Variants in TMX3 observed in about 807,000 individuals in gnomAD.
TMX3 encodes thioredoxin related transmembrane protein 3.
A neutral mutation model predicts 64.4 loss-of-function variants in TMX3; 40 were observed. The ratio of observed to expected loss-of-function variants is 0.62; its 90% CI spans 0.48 to 0.81. The LOEUF (loss-of-function observed/expected upper bound fraction) is 0.81, where lower values mean the gene tolerates loss of function less well. TMX3 is among the 30% of genes least tolerant of loss of function. TMX3 has a pLI of 0.00. For synonymous variants in TMX3, 189 were observed against 175.7 expected (o/e 1.08, Z -0.60); for missense variants, 497 against 534.5 (o/e 0.93, Z 0.69).
At chr18:68,693,080 A>C (rs909542904) in intron 8 of TMX3, among the ~76,000 whole-genome samples, 1 of 152,238 alleles carries the variant, frequency 6.6e-6, no homozygotes, top group Non-Finnish European at 1.5e-5. Flanking sequence ...AGAAGTTCAG[A>C]TTCTAGTCCA....
intron 8 of TMX3, chr18:68,696,902 ACG>A: frequency 1.2e-5 from 3 of 241,024 alleles, no homozygotes; most frequent in Non-Finnish European, 1.6e-5. Context: ...ACACACACAT[ACG>A]CACGCAAAAT....
Position 68,676,962 on chromosome 18 carries a change from T to C in TMX3, c.1336A>G (p.Lys446Glu). The C allele has an allele frequency of 6.2e-7, 1 of 1,613,634 alleles. No individual in the cohort carries two copies. Among genetic ancestry groups the C allele is most frequent in the Non-Finnish European group, 8.5e-7 (1 of 1,179,762 alleles). The change falls in exon 16 of 16, where the codon AAG becomes GAG. Residue 446 changes from lysine to glutamate, a missense_variant. By Grantham distance (56) the Lys-to-Glu change is moderately conservative. Around this residue, in one of 3 missense-constraint regions of TMX3, gnomAD observed 94 missense variants for 75.8 expected, o/e 1.24. Transcript: ENST00000299608. ...GSVVPTVQEP[K>E]DVLEKKKD The stretch of plus-strand genomic sequence containing the variant: ...TCTTTCTTCTTTTCTAATACATCCT[T>C]GGGCTCCTGCACTGTAGGCACTACA...
At chr18:68,685,923 T>C (rs1913907854) in intron 10 of TMX3, among the ~76,000 whole-genome samples, 1 of 152,228 alleles carries the variant, frequency 6.6e-6, no homozygotes, top group South Asian at 2.1e-4. Context: ...TGTAAAAACG[T>C]GCTTTGGTGC....
intron 2 of TMX3, among the ~76,000 whole-genome samples, chr18:68,713,003 TA>T (rs34191235): frequency 0.02 from 2,435 of 122,272 alleles, 23 homozygotes; most frequent in African/African-American, 0.034. Context: ...TCAAGAGGTT[TA>T]AAAAAAAAAA....
At chr18:68,714,555 C>T in intron 1 of TMX3, 1 of 304,612 alleles carries the variant, frequency 3.3e-6, no homozygotes, top group South Asian at 3.6e-5. Flanking sequence ...TGGTAAAAAT[C>T]CTTAAACGTG....
Position 68,715,010 on chromosome 18 carries a change from CTG to C in TMX3, c.-31_-30del, listed in dbSNP as rs545060751. The C allele has an allele frequency of 3.1e-4, 478 of 1,559,982 alleles. 4 individuals carry two copies. In the African/African-American group the frequency reaches 5.8e-3, roughly 19 times the overall value. On this transcript the variant is annotated 5_prime_UTR_variant, in exon 1 of 16. Coordinates refer to ENST00000299608, the MANE Select transcript of TMX3 (RefSeq NM_019022.5). Reference sequence around the variant, plus strand: ...AGCCCGGGAGAGCTGCAGAAGCTGACTGTGCAAAAGAGGGATAAAGACACTGG... The same window carrying C: ...AGCCCGGGAGAGCTGCAGAAGCTGACTGCAAAAGAGGGATAAAGACACTGG...
intron 4 of TMX3, among the ~76,000 whole-genome samples, chr18:68,702,834 G>C (rs2030250671): frequency 6.6e-6 from 1 of 152,108 alleles, no homozygotes; most frequent in Non-Finnish European, 1.5e-5. Context: ...AAGGGCAGTC[G>C]ATTTGTGAAA....
At chr18:68,711,138 A>G (rs1254241241) in intron 3 of TMX3, among the ~76,000 whole-genome samples, 1 of 152,128 alleles carries the variant, frequency 6.6e-6, no homozygotes, top group African/African-American at 2.4e-5. Context: ...TCCTCTTAAT[A>G]TTCTCACCCC....
rs1912996757 is a variant in TMX3 at position 68,677,081 on chromosome 18, A to G, written c.1217T>C (p.Ile406Thr). ...TTTAGACACTTCATATCGTTCTTCT[A>G]TATAACCTCCATCTGTGTCGGCTGT... ...IYTADTDGGY[I>T]EERYEVSKSE... Residue 406 changes from isoleucine to threonine, a missense_variant, in exon 16 of 16, where the codon ATA becomes ACA. Transcript: ENST00000299608. 6.2e-7 allele frequency: 1 copy of G among 1,613,686 alleles called. No individual in the cohort carries two copies. Among genetic ancestry groups the G allele is most frequent in the Admixed American group, 1.7e-5 (1 of 59,966 alleles).
chr18:68,692,982 G>A (rs1914668917), intron 8 of TMX3, among the ~76,000 whole-genome samples: 1 of 152,164 alleles, frequency 6.6e-6, no homozygotes, highest in Non-Finnish European at 1.5e-5. Context: ...CCAACTGCTT[G>A]CAAAGCTTTG....
chr18:68,687,222 T>A, intron 10 of TMX3: 4 of 985,454 alleles, frequency 4.1e-6, no homozygotes, highest in Non-Finnish European at 4.8e-6. Context: ...TTTGTATTCG[T>A]GTTTGTGTTT....
chr18:68,697,602 A>G, intron 7 of TMX3: 1 of 342,548 alleles, frequency 2.9e-6, no homozygotes, highest in Non-Finnish European at 5.2e-6. Context: ...GATTATAGGA[A>G]GATATGTGTG....
At chr18:68,697,714 G>A in intron 7 of TMX3, 4 of 462,186 alleles carry the variant, frequency 8.7e-6, no homozygotes, top group Non-Finnish European at 1.5e-5. Flanking sequence ...TGCTAAGGCA[G>A]GCAACATTTA....
At chr18:68,709,050 A>G (rs2031003618) in intron 4 of TMX3, among the ~76,000 whole-genome samples, 1 of 152,164 alleles carries the variant, frequency 6.6e-6, no homozygotes, top group African/African-American at 2.4e-5. Context: ...TTCACTAATG[A>G]AAGAGAAACT....
rs1379077758 is a variant in TMX3, at chr18:68,708,017, G to GTA, written c.265+2002_265+2003dup. Among the ~76,000 whole-genome samples the GTA allele has an allele frequency of 8.6e-5, 11 of 127,808 alleles. No homozygotes were observed. In the East Asian group the frequency reaches 1.4e-3, roughly 16 times the overall value. 83.8% of individuals were successfully genotyped at this position (127,808 alleles called of 152,430 possible). A position where few individuals can be genotyped will look rare whatever the true frequency, so the allele number is the denominator to read the frequency against. On this transcript the variant is annotated intron_variant, in intron 4 of 15. Transcript: ENST00000299608. ...TATGTGTATATATATGTGTATATGT[G>GTA]TATATATGTGTATATGTGTATATAT...
intron 5 of TMX3, 56 bp downstream of exon 5, chr18:68,701,689 T>C: frequency 1.2e-6 from 2 of 1,608,220 alleles, no homozygotes; most frequent in Non-Finnish European, 1.7e-6. Context: ...CGTAATAAAA[T>C]GTAAGTAGAG....
intron 10 of TMX3, chr18:68,687,166 T>A: frequency 1.0e-6 from 1 of 985,288 alleles, no homozygotes; most frequent in Non-Finnish European, 1.2e-6. Flanking sequence ...CTTATTTTTA[T>A]AGTTTGCATC....
chr18:68,684,603 C>A, intron 10 of TMX3, 118 bp from the exon 11 acceptor site: 1 of 800,722 alleles, frequency 1.2e-6, no homozygotes, highest in Non-Finnish European at 2.0e-6. Context: ...ATTCCAATCA[C>A]CCTACATGTT....
At chr18:68,697,100 CAGTA>C (rs1342455832) in intron 8 of TMX3, 122 bp downstream of exon 8, 17 of 572,242 alleles carry the variant, frequency 3.0e-5, no homozygotes, top group Non-Finnish European at 4.2e-5. Flanking sequence ...AAACATATCA[CAGTA>C]AATAAATCTG....
Sources: allele counts gnomAD v4.1 joint callset (sites outside exome capture counted in the v4.1 genomes callset), GRCh38; gene constraint gnomAD v4.1.1; regional missense constraint gnomAD v4.1.1; transcripts MANE v1.5; gene names NCBI Gene and HGNC (gene_info 2026-07-23, HGNC 2026-07-21).